The following CTNNA3 variants were observed in gnomAD, a reference collection of about 807,000 sequenced individuals.
The protein encoded by CTNNA3 is catenin alpha-3.
Under a neutral mutation model 95.7 loss-of-function variants are expected in CTNNA3, and 76 were observed. The observed-to-expected ratio is 0.79, with a 90% confidence interval of 0.66 to 0.96. The LOEUF is 0.96. Among genes scored for constraint, CTNNA3 ranks in the 40% least tolerant of loss-of-function variants. CTNNA3 has a pLI of 0.00. For synonymous variants in CTNNA3, 431 were observed against 374.4 expected, an observed-to-expected ratio of 1.15 and a Z score of -1.74; for missense variants, 1,191 against 1,089.8, an observed-to-expected ratio of 1.09 and a Z score of -1.31.
chr10:67,368,765 CAT>C (rs1196740309), intron 5 of CTNNA3, among the ~76,000 whole-genome samples: 5 of 152,164 alleles, frequency 3.3e-5, no homozygotes, highest in South Asian at 2.1e-4. Flanking sequence ...AAAAAGAGCA[CAT>C]GTTATATAAT....
intron 7 of CTNNA3, among the ~76,000 whole-genome samples, chr10:66,972,535 A>C (rs1173641845): frequency 1.3e-5 from 2 of 151,944 alleles, no homozygotes; most frequent in African/African-American, 4.8e-5. Flanking sequence ...TTGCTCTCGG[A>C]GAATAGTTAA....
chr10:67,681,858 G>A (rs535616802), intron 1 of CTNNA3, among the ~76,000 whole-genome samples: 2 of 151,968 alleles, frequency 1.3e-5, no homozygotes, highest in Non-Finnish European at 2.9e-5. Flanking sequence ...TACTATGGTG[G>A]GATAAAAAGA....
chr10:66,509,007 T>C (rs1261113500), intron 11 of CTNNA3, among the ~76,000 whole-genome samples: 1 of 152,116 alleles, frequency 6.6e-6, no homozygotes, highest in Admixed American at 6.6e-5. Context: ...CCACCAACAG[T>C]ATATAAGAGT....
chr10:66,118,326 A>G (rs1340725448), intron 13 of CTNNA3: 1 of 152,208 alleles, frequency 6.6e-6, no homozygotes, highest in Non-Finnish European at 1.5e-5. Context: ...CAAGCCATGC[A>G]TATATAGATT....
At chr10:67,122,691 G>A (rs1490878953) in intron 7 of CTNNA3, among the ~76,000 whole-genome samples, 1 of 152,044 alleles carries the variant, frequency 6.6e-6, no homozygotes, top group Admixed American at 6.6e-5. Flanking sequence ...AAGCATTAAG[G>A]GATGTCTTTG....
rs1394809366 is a variant in CTNNA3, at chr10:65,918,120, T to C, written c.*2210A>G. ...GAACTTGTTCACATCTCACTTTGGG[T>C]AAAAAGTCATTTTTATCAAAGAGAT... On this transcript the variant is annotated 3_prime_UTR_variant, in exon 18 of 18. Coordinates refer to ENST00000433211, the MANE Select transcript of CTNNA3 (RefSeq NM_013266.4). The C allele has an allele frequency of 1.3e-5, 2 of 152,176 alleles. No homozygotes were observed. The highest frequency in any genetic ancestry group is 2.9e-5 in the Non-Finnish European group (2 of 68,020). The allele number at this position is 152,176 out of a possible 1,614,324, so 9.4% of individuals were successfully genotyped here. A position where few individuals can be genotyped will look rare whatever the true frequency, so the allele number is the denominator to read the frequency against.
At chr10:65,999,088 A>G (rs1468624606) in intron 15 of CTNNA3, among the ~76,000 whole-genome samples, 1 of 152,172 alleles carries the variant, frequency 6.6e-6, no homozygotes, top group Non-Finnish European at 1.5e-5. Context: ...TTTGTAATAA[A>G]AAAATCAACA....
chr10:66,242,934 A>G (rs1332428003), intron 13 of CTNNA3, among the ~76,000 whole-genome samples: 1 of 152,216 alleles, frequency 6.6e-6, no homozygotes, highest in Non-Finnish European at 1.5e-5. Flanking sequence ...AATACAATTG[A>G]ACAGTGTAAA....
At chr10:67,355,316 G>A (rs915036963) in intron 5 of CTNNA3, among the ~76,000 whole-genome samples, 7 of 152,012 alleles carry the variant, frequency 4.6e-5, no homozygotes, top group Admixed American at 4.6e-4. Flanking sequence ...GTAGTTGTTG[G>A]TGAAACACTC....
chr10:66,886,722 C>A (rs868180602), intron 7 of CTNNA3, among the ~76,000 whole-genome samples: 2 of 152,124 alleles, frequency 1.3e-5, no homozygotes, highest in Non-Finnish European at 2.9e-5. Flanking sequence ...CCATTCCATA[C>A]CTGCATCCCG....
At chr10:66,191,955 C>T (rs1251405164) in intron 13 of CTNNA3, among the ~76,000 whole-genome samples, 1 of 152,098 alleles carries the variant, frequency 6.6e-6, no homozygotes, top group Non-Finnish European at 1.5e-5. Flanking sequence ...ATGGGTTTAT[C>T]CTAAGTGAGT....
intron 9 of CTNNA3, among the ~76,000 whole-genome samples, chr10:66,754,623 AG>A (rs1371633427): frequency 6.6e-6 from 1 of 152,182 alleles, no homozygotes; most frequent in African/African-American, 2.4e-5. Context: ...ATATCTGATA[AG>A]GGGGTTACAT....
At chr10:65,989,657 G>T (rs2078498977) in intron 15 of CTNNA3, among the ~76,000 whole-genome samples, 1 of 152,100 alleles carries the variant, frequency 6.6e-6, no homozygotes, top group African/African-American at 2.4e-5. Context: ...AATGTGTAAT[G>T]ATTAAGTAAT....
chr10:67,044,986 C>T, intron 7 of CTNNA3, among the ~76,000 whole-genome samples: 1 of 152,140 alleles, frequency 6.6e-6, no homozygotes, highest in East Asian at 1.9e-4. Context: ...CTAATGCTGA[C>T]CACATCTAGG....
intron 7 of CTNNA3, among the ~76,000 whole-genome samples, chr10:67,171,509 G>T (rs1163941443): frequency 6.6e-6 from 1 of 151,228 alleles, no homozygotes; most frequent in African/African-American, 2.4e-5. Context: ...GGGAGTCAGA[G>T]GTTGCAGTGA....
At chr10:67,339,617 A>G (rs1431622468) in intron 5 of CTNNA3, among the ~76,000 whole-genome samples, 1 of 118,182 alleles carries the variant, frequency 8.5e-6, no homozygotes, top group Non-Finnish European at 1.7e-5. Context: ...AGAAAAATCT[A>G]AAATGAAAAG....
At chr10:66,576,280 C>A (rs1362267965) in intron 10 of CTNNA3, among the ~76,000 whole-genome samples, 2 of 152,018 alleles carry the variant, frequency 1.3e-5, no homozygotes, top group African/African-American at 4.8e-5. Flanking sequence ...TGCCCAGGAA[C>A]CTGAATTTTA....
At chr10:66,616,105 C>T (rs942051509) in intron 10 of CTNNA3, among the ~76,000 whole-genome samples, 1 of 152,018 alleles carries the variant, frequency 6.6e-6, no homozygotes, top group Admixed American at 6.6e-5. Context: ...CAGCAATCAT[C>T]CAGATCACAT....
intron 9 of CTNNA3, among the ~76,000 whole-genome samples, chr10:66,644,555 T>C (rs1038682430): frequency 2.6e-5 from 4 of 151,214 alleles, no homozygotes; most frequent in African/African-American, 9.7e-5. Context: ...GGTTCTTTAT[T>C]GAGATAATTA....
Sources: gnomAD v4.1 joint callset for allele counts (sites outside exome capture counted in the v4.1 genomes callset) on GRCh38, gnomAD v4.1.1 for gene constraint, MANE v1.5 for transcripts, NCBI Gene and HGNC (gene_info 2026-07-23, HGNC 2026-07-21) for gene names.